The following NAV2 variants were observed in gnomAD, a reference collection of about 807,000 sequenced individuals.
NAV2 encodes helicase, APC down-regulated 1.
In NAV2, 54 loss-of-function variants were observed where a neutral mutation model predicts 223.2. The observed-to-expected ratio is 0.24, with a 90% CI of 0.19 to 0.30. NAV2 has a LOEUF of 0.30. Among genes scored for constraint, NAV2 ranks in the 10% least tolerant of loss-of-function variants. The pLI, the probability that NAV2 is intolerant of heterozygous loss-of-function variation, is 1.00. For missense variants in NAV2, 2,806 were observed against 3,147.5 expected, an observed-to-expected ratio of 0.89 and a Z score of 2.60; for synonymous variants, 1,279 against 1,239.3, an observed-to-expected ratio of 1.03 and a Z score of -0.67.
chr11:19,867,354 A>T (rs1178375240), intron 3 of NAV2, among the ~76,000 whole-genome samples: 1 of 152,206 alleles, frequency 6.6e-6, no homozygotes, highest in Non-Finnish European at 1.5e-5. Flanking sequence ...CAGCTCTGCC[A>T]TTGACATTGA....
chr11:19,891,337 C>T (rs906233904), intron 5 of NAV2, among the ~76,000 whole-genome samples: 2 of 152,120 alleles, frequency 1.3e-5, no homozygotes, highest in Admixed American at 6.5e-5. Flanking sequence ...ATCATTTATT[C>T]ATCTTTCAAC....
chr11:19,372,382 C>T lies in NAV2; in HGVS notation c.75+21355C>T, dbSNP rs4756997. ...GAAATCTGGGAGCTTTCTCTGCTGCCCCATCCACTGGGCTCAGTACTGGAT... is the reference window on the plus strand; with the variant it reads ...GAAATCTGGGAGCTTTCTCTGCTGCTCCATCCACTGGGCTCAGTACTGGAT... On this transcript the variant is annotated intron_variant, in intron 1 of 37. Coordinates refer to the NAV2 transcript ENST00000360655. Among the ~76,000 whole-genome samples the T allele has an allele frequency of 5.1e-3, 779 of 152,226 alleles. 2 individuals carry two copies. Among genetic ancestry groups the T allele is most frequent in the Admixed American group, 8.7e-3 (133 of 15,294 alleles).
At chr11:19,939,813 G>A in intron 8 of NAV2, 40 bp downstream of exon 8, 2 of 1,492,344 alleles carry the variant, frequency 1.3e-6, no homozygotes, top group South Asian at 1.2e-5. Flanking sequence ...TGTTGGTGAT[G>A]AGGCCTTCCA....
intron 1 of NAV2, among the ~76,000 whole-genome samples, chr11:19,749,944 G>A (rs147641015): frequency 8.7e-4 from 132 of 152,330 alleles, no homozygotes; most frequent in African/African-American, 3.1e-3. Flanking sequence ...GGCCATTTGA[G>A]CCAATGGCTA....
chr11:19,406,115 G>A (rs1451413183), intron 1 of NAV2, among the ~76,000 whole-genome samples: 2 of 152,192 alleles, frequency 1.3e-5, no homozygotes, highest in African/African-American at 4.8e-5. Flanking sequence ...GTCTACTTCT[G>A]TGGTCAGCCC....
intron 1 of NAV2, among the ~76,000 whole-genome samples, chr11:19,429,855 T>A (rs1236434057): frequency 6.6e-6 from 1 of 152,150 alleles, no homozygotes; most frequent in African/African-American, 2.4e-5. Context: ...GGAAAACACA[T>A]TGTCTTTTCC....
chr11:19,875,494 A>G (rs759952574), intron 4 of NAV2, among the ~76,000 whole-genome samples: 2 of 152,210 alleles, frequency 1.3e-5, no homozygotes, highest in Non-Finnish European at 2.9e-5. Context: ...TGCACACCAT[A>G]GTGAAGGTGA....
intron 1 of NAV2, among the ~76,000 whole-genome samples, chr11:19,367,719 G>T (rs118002722): frequency 1.3e-5 from 2 of 152,054 alleles, no homozygotes; most frequent in African/African-American, 4.8e-5. Context: ...GGACTAGAAT[G>T]CCTCCTAAGT....
intron 6 of NAV2, among the ~76,000 whole-genome samples, chr11:19,922,456 A>T (rs993774683): frequency 6.6e-6 from 1 of 152,090 alleles, no homozygotes; most frequent in East Asian, 1.9e-4. Flanking sequence ...ATAGTTTCTC[A>T]GTGTGTGTTG....
chr11:20,048,093 T>G (rs1426074222), intron 14 of NAV2, among the ~76,000 whole-genome samples: 1 of 152,198 alleles, frequency 6.6e-6, no homozygotes, highest in Non-Finnish European at 1.5e-5. Flanking sequence ...GTGTCTGGTC[T>G]AATGTCTTGT....
intron 36 of NAV2, among the ~76,000 whole-genome samples, chr11:20,111,230 G>T (rs2062613887): frequency 6.6e-6 from 1 of 152,194 alleles, no homozygotes; most frequent in Admixed American, 6.5e-5. Flanking sequence ...AGTGGCCCAG[G>T]TTTTAGTTTT....
At chr11:19,351,117 C>T in intron 1 of NAV2, 3 of 1,270,238 alleles carry the variant, frequency 2.4e-6, no homozygotes, top group Non-Finnish European at 2.2e-6. Flanking sequence ...ATCGAGCATG[C>T]TTGTCTGTCT....
chr11:20,036,111 G>T lies in NAV2; in HGVS notation c.2907+14G>T. ...CTGGATGTGCAGGTGAGGAACACAG[G>T]CCCTCCCAGGCTCCTCCAGCAGCCT... On this transcript the variant is annotated intron_variant, in intron 12 of 37. Transcript: ENST00000349880. The T allele has an allele frequency of 6.2e-7, 1 of 1,614,086 alleles. No individual in the cohort carries two copies. The highest frequency in any genetic ancestry group is 8.5e-7 in the Non-Finnish European group (1 of 1,180,004).
intron 15 of NAV2, 158 bp downstream of exon 15, chr11:20,049,353 A>C: frequency 1.6e-6 from 1 of 637,608 alleles, no homozygotes; most frequent in Non-Finnish European, 2.7e-6. Flanking sequence ...TCAGGATGGA[A>C]TCAAGCTTGG....
At chr11:19,535,491 AG>A (rs2044158750) in intron 1 of NAV2, among the ~76,000 whole-genome samples, 1 of 152,302 alleles carries the variant, frequency 6.6e-6, no homozygotes, top group South Asian at 2.1e-4. Flanking sequence ...CATGGTGAGA[AG>A]GGGTGGCTTG....
At chr11:20,022,342 C>A (rs1397813660) in intron 11 of NAV2, among the ~76,000 whole-genome samples, 3 of 152,200 alleles carry the variant, frequency 2.0e-5, no homozygotes, top group African/African-American at 7.2e-5. Flanking sequence ...TCCCACCCAC[C>A]TCCCCTTCCA....
intron 6 of NAV2, among the ~76,000 whole-genome samples, chr11:19,921,742 A>C (rs2044289378): frequency 6.6e-6 from 1 of 152,142 alleles, no homozygotes; most frequent in Non-Finnish European, 1.5e-5. Flanking sequence ...AACTTACTTA[A>C]CCCCTATGCC....
At chr11:19,439,857 C>G (rs1851337769) in intron 1 of NAV2, among the ~76,000 whole-genome samples, 1 of 152,190 alleles carries the variant, frequency 6.6e-6, no homozygotes, top group African/African-American at 2.4e-5. Flanking sequence ...ATCTTCCATT[C>G]ATTCTGAACA....
intron 1 of NAV2, among the ~76,000 whole-genome samples, chr11:19,814,057 G>A (rs536326827): frequency 1.1e-4 from 16 of 152,274 alleles, no homozygotes; most frequent in East Asian, 1.9e-4. Context: ...TCATATGTCC[G>A]CCCAGGGTGA....
Sources: gnomAD v4.1 joint callset for allele counts (sites outside exome capture counted in the v4.1 genomes callset) on GRCh38, gnomAD v4.1.1 for gene constraint, MANE v1.5 for transcripts, NCBI Gene and HGNC (gene_info 2026-07-23, HGNC 2026-07-21) for gene names.